Variants in DNAH6 observed in about 807,000 individuals in gnomAD.
The protein encoded by DNAH6 is dynein axonemal heavy chain 6.
A neutral mutation model predicts 491.4 loss-of-function variants in DNAH6; 340 were observed. The observed-to-expected ratio is 0.69, with a 90% confidence interval of 0.63 to 0.76. The LOEUF is 0.76. Among genes scored for constraint, DNAH6 ranks in the 30% least tolerant of loss-of-function variants. The pLI is 0.00. For synonymous variants in DNAH6, 1,603 were observed against 1,686.1 expected (o/e 0.95, Z 1.21); for missense variants, 4,443 against 4,972.2 (o/e 0.89, Z 3.20).
intron 14 of DNAH6, among the ~76,000 whole-genome samples, chr2:84,582,288 G>A (rs1035521128): frequency 6.6e-6 from 1 of 152,082 alleles, no homozygotes; most frequent in Non-Finnish European, 1.5e-5. Context: ...TTCTAGAACC[G>A]TGGTTCTCAA....
At chr2:84,486,510 G>A in the DNAH6 span, among the ~76,000 whole-genome samples, 2 of 152,294 alleles carry the variant, frequency 1.3e-5, no homozygotes, top group East Asian at 3.9e-4. Flanking sequence ...GAGAAAGGTA[G>A]GGAAAACAAA....
At chr2:84,589,693 CA>C (rs1683907982) in intron 16 of DNAH6, among the ~76,000 whole-genome samples, 1 of 121,424 alleles carries the variant, frequency 8.2e-6, no homozygotes, top group African/African-American at 3.3e-5. Flanking sequence ...GCCTAGGTGA[CA>C]GAGTGAGACC....
chr2:84,672,845 T>G (rs1311244237), intron 40 of DNAH6, among the ~76,000 whole-genome samples: 1 of 152,210 alleles, frequency 6.6e-6, no homozygotes, highest in Non-Finnish European at 1.5e-5. Flanking sequence ...TCTGAGACCC[T>G]GAGTTAGGAC....
At chr2:84,627,891 C>A (rs1194808201) in intron 29 of DNAH6, among the ~76,000 whole-genome samples, 1 of 152,046 alleles carries the variant, frequency 6.6e-6, no homozygotes, top group Non-Finnish European at 1.5e-5. Context: ...TTTTAAGCAA[C>A]AATAAAAATA....
At chr2:84,661,318 A>G (rs967595304) in intron 37 of DNAH6, among the ~76,000 whole-genome samples, 2 of 152,120 alleles carry the variant, frequency 1.3e-5, no homozygotes, top group Admixed American at 1.3e-4. Context: ...TAAACACTAT[A>G]TTGGAGAGTC....
intron 75 of DNAH6, among the ~76,000 whole-genome samples, chr2:84,814,360 T>C (rs1353112500): frequency 6.6e-6 from 1 of 152,228 alleles, no homozygotes; most frequent in Non-Finnish European, 1.5e-5. Context: ...ATTTTTTAGC[T>C]ACCTTTAGTA....
At chr2:84,523,007 T>G (rs924977098) in intron 2 of DNAH6, among the ~76,000 whole-genome samples, 1 of 152,140 alleles carries the variant, frequency 6.6e-6, no homozygotes. Flanking sequence ...GAGTCCCCCT[T>G]CCTCATTTTT....
At chr2:84,507,690 A>T in the DNAH6 span, among the ~76,000 whole-genome samples, 6 of 152,232 alleles carry the variant, frequency 3.9e-5, no homozygotes, top group South Asian at 1.2e-3. Flanking sequence ...TCAGTATGAT[A>T]TTGGCTGTGG....
intron 21 of DNAH6, among the ~76,000 whole-genome samples, chr2:84,607,966 G>A (rs923047098): frequency 6.6e-5 from 10 of 152,128 alleles, no homozygotes; most frequent in African/African-American, 2.4e-4. Flanking sequence ...ATGTTCTCAA[G>A]CCCTACTTCT....
At chr2:84,725,095 C>A (rs1169012701) in intron 60 of DNAH6, among the ~76,000 whole-genome samples, 2 of 152,196 alleles carry the variant, frequency 1.3e-5, no homozygotes, top group African/African-American at 4.8e-5. Flanking sequence ...CCTCACCAAT[C>A]CCATATCCCC....
At chr2:84,715,012 T>C (rs1697383498) in intron 57 of DNAH6, among the ~76,000 whole-genome samples, 7 of 151,946 alleles carry the variant, frequency 4.6e-5, no homozygotes, top group Admixed American at 4.6e-4. Context: ...TAATTTCTCA[T>C]TAAAATGTTA....
At position 84,569,441 on chromosome 2, in the gene DNAH6, G is replaced by T. The variant is rs375452797; in HGVS notation, c.1804-4026G>T. Among the ~76,000 whole-genome samples, 4 of 151,994 alleles carry T rather than the reference G, an allele frequency of 2.6e-5. No individual in the cohort carries two copies. In the East Asian group the frequency reaches 7.7e-4, roughly 29 times the overall value. ...GGTAAAAAGTGAAAAAAATGGGGAA[G>T]TGACTATTTTCTGAGTATACCTTTT... On this transcript the variant is annotated intron_variant, in intron 11 of 76. Coordinates refer to ENST00000389394, the MANE Select transcript of DNAH6 (RefSeq NM_001370.2).
intron 37 of DNAH6, among the ~76,000 whole-genome samples, chr2:84,662,053 C>G (rs1256696556): frequency 2.0e-5 from 3 of 151,948 alleles, no homozygotes; most frequent in Non-Finnish European, 4.4e-5. Context: ...ATATATGAAA[C>G]TCTCTAAAAT....
At chr2:84,693,312 A>G (rs1479309231) in intron 45 of DNAH6, among the ~76,000 whole-genome samples, 2 of 152,028 alleles carry the variant, frequency 1.3e-5, no homozygotes, top group Non-Finnish European at 2.9e-5. Flanking sequence ...ACGGTACTCT[A>G]TTTGTGAGAC....
In DNAH6 at chr2:84,707,594, G is replaced by T; in HGVS notation, c.8926G>T (p.Val2976Phe). The T allele has an allele frequency of 6.4e-7, 1 of 1,552,148 alleles. No individual in the cohort carries two copies. ...GACAGCAGCATTAGAAGATGAGCAG[G>T]TTCGATGGGAAGAAAGCATACAGAA... ...KLTAALEDEQ[V>F]RWEESIQKFE... is the part of the protein sequence containing the mutation. Residue 2976 changes from valine (V) to phenylalanine (F), a missense_variant, in exon 54 of 77, where the codon GTT becomes TTT. Physicochemically the swap from Val to Phe is conservative, Grantham distance 50 (BLOSUM62 -1). Around this residue, in one of 3 missense-constraint regions of DNAH6, gnomAD observed 1,463 missense variants for 1,656.6 expected, o/e 0.88. Transcript: ENST00000389394.
At position 84,654,745 on chromosome 2, in the gene DNAH6, C is replaced by T. The variant is rs750546225; in HGVS notation, c.5720C>T (p.Pro1907Leu). The change falls in exon 35 of 77, where the codon CCT becomes CTT. Residue 1907 changes from proline to leucine, a missense_variant. Transcript: ENST00000389394. Reference sequence around the variant, plus strand: ...GATCCTGAAGAACTGAAATGGATGCCTTATGTTAAAACTTGGATGAAGGGT... The same window carrying T: ...GATCCTGAAGAACTGAAATGGATGCTTTATGTTAAAACTTGGATGAAGGGT... Reference protein sequence around the residue: ...FVDPEELKWMPYVKTWMKGIS... With the variant: ...FVDPEELKWMLYVKTWMKGIS... 1 of 1,551,064 alleles carries T rather than the reference C, an allele frequency of 6.4e-7. No individual in the cohort carries two copies. Among genetic ancestry groups the T allele is most frequent in the Non-Finnish European group, 8.7e-7 (1 of 1,146,346 alleles).
chr2:84,578,446 C>T (rs1350667646), intron 13 of DNAH6, among the ~76,000 whole-genome samples: 1 of 152,080 alleles, frequency 6.6e-6, no homozygotes, highest in African/African-American at 2.4e-5. Flanking sequence ...GCATATGTAT[C>T]TAAAAAGTCC....
intron 75 of DNAH6, among the ~76,000 whole-genome samples, chr2:84,814,600 C>A (rs1216878791): frequency 1.3e-5 from 2 of 152,226 alleles, no homozygotes; most frequent in East Asian, 3.9e-4. Context: ...TAAAGCAACA[C>A]CCACATAAAA....
rs1322762989 is a variant in DNAH6, at chr2:84,816,036, G to C, written c.12326G>C (p.Cys4109Ser). 6.4e-7 allele frequency: 1 copy of C among 1,551,532 alleles called. No homozygotes were observed. Among genetic ancestry groups the C allele is most frequent in the Non-Finnish European group, 8.7e-7 (1 of 1,146,976 alleles). Reference sequence around the variant, plus strand: ...AAGCCAAGCCCAACACTTTACCACTGCCCACTTTATAAAACAGGAGCCCGG... The same window carrying C: ...AAGCCAAGCCCAACACTTTACCACTCCCCACTTTATAAAACAGGAGCCCGG... ...NYKPSPTLYH[C>S]PLYKTGARAG... is the part of the protein sequence containing the mutation. The change falls in exon 76 of 77, where the codon TGC (cysteine) becomes TCC (serine). Residue 4109 changes from cysteine (C) to serine (S), a missense_variant. By Grantham distance (112) the Cys-to-Ser change is moderately radical. Coordinates refer to ENST00000389394, the MANE Select transcript of DNAH6 (RefSeq NM_001370.2).
Sources: allele counts gnomAD v4.1 joint callset (sites outside exome capture counted in the v4.1 genomes callset), GRCh38; gene constraint gnomAD v4.1.1; regional missense constraint gnomAD v4.1.1; transcripts MANE v1.5; gene names NCBI Gene and HGNC (gene_info 2026-07-23, HGNC 2026-07-21).